The following SUN2 variants were observed in gnomAD, a reference collection of about 807,000 sequenced individuals.
SUN2 encodes the protein SUN domain-containing protein 2.
A neutral mutation model predicts 100.0 loss-of-function variants in SUN2; 60 were observed. The ratio of observed to expected loss-of-function variants is 0.60; its 90% confidence interval spans 0.49 to 0.74. The LOEUF (loss-of-function observed/expected upper bound fraction) is 0.74. Among genes scored for constraint, SUN2 ranks in the 30% least tolerant of loss-of-function variants. The pLI, the probability that SUN2 is intolerant of heterozygous loss-of-function variation, is 0.00. For synonymous variants in SUN2, 367 were observed against 403.3 expected (o/e 0.91, Z 1.08); for missense variants, 834 against 954.6 (o/e 0.87, Z 1.66).
intron 17 of SUN2, 133 bp from the exon 18 acceptor site, chr22:38,736,513 AC>A: frequency 1.5e-6 from 1 of 656,860 alleles, no homozygotes; most frequent in Non-Finnish European, 2.5e-6. Flanking sequence ...TCTGAAGAGA[AC>A]CAGGCTTCAA....
At position 38,737,926 on chromosome 22, in the gene SUN2, C is replaced by G. The variant is rs1189427056; in HGVS notation, c.2040+247G>C. The G allele has an allele frequency of 1.5e-6, 1 of 675,458 alleles. No homozygotes were observed. The highest frequency in any genetic ancestry group is 2.8e-6 in the Non-Finnish European group (1 of 358,786). 41.8% of individuals were successfully genotyped at this position (675,458 alleles called of 1,614,324 possible). A position where few individuals can be genotyped will look rare whatever the true frequency, so the allele number is the denominator to read the frequency against. ...GCCACCCAACCCCTCTTGTGTAAAGCCCACCTCCTGGTGTCCTTTTCCAGG... is the reference window on the plus strand; with the variant it reads ...GCCACCCAACCCCTCTTGTGTAAAGGCCACCTCCTGGTGTCCTTTTCCAGG... On this transcript the variant is annotated intron_variant, in intron 17 of 17. Coordinates refer to ENST00000689035, the MANE Select transcript of SUN2 (RefSeq NM_015374.3). The surrounding 1 kb of genome is among the most constrained non-coding windows in gnomAD (Gnocchi z 4.1).
At chr22:38,750,857 G>A in intron 4 of SUN2, 41 bp downstream of exon 4, 1 of 1,607,862 alleles carries the variant, frequency 6.2e-7, no homozygotes, top group South Asian at 1.1e-5. Flanking sequence ...AGGCCTCCCA[G>A]CAGCCTCGGA....
chr22:38,734,950 C>T lies in SUN2; in HGVS notation c.*1317G>A. 3.6e-6 allele frequency: 1 copy of T among 279,768 alleles called. No homozygotes were observed. The highest frequency in any genetic ancestry group is 3.1e-5 in the South Asian group (1 of 31,778). 17.3% of individuals were successfully genotyped at this position (279,768 alleles called of 1,614,324 possible). On this transcript the variant is annotated 3_prime_UTR_variant, in exon 18 of 18. Transcript: ENST00000689035. ...CAGTGAAGGCCTGCCCGCCTTCTTGCCCCTTCCCCGCAGCCAGACCACCAG... is the reference window on the plus strand; with the variant it reads ...CAGTGAAGGCCTGCCCGCCTTCTTGTCCCTTCCCCGCAGCCAGACCACCAG...
At chr22:38,743,630 A>T (rs1444366468) in intron 8 of SUN2, 1 of 151,484 alleles carries the variant, frequency 6.6e-6, no homozygotes, top group Non-Finnish European at 1.5e-5. Flanking sequence ...CCAGCAAAAA[A>T]TCCTCTGCCC....
At chr22:38,754,962 C>T in intron 1 of SUN2, 1 of 1,289,236 alleles carries the variant, frequency 7.8e-7, no homozygotes, top group South Asian at 1.2e-5. Context: ...AAGAAGTGAG[C>T]CTCTGGGAGC....
At position 38,751,040 on chromosome 22, in the gene SUN2, G is replaced by A. The variant is rs2092941469; in HGVS notation, c.287-5C>T. ...TCCGCACCCGCAGGTCCTCACCTGTGCAGGGAAGAACCAGGGGCTCTTCTG... is the reference window on the plus strand; with the variant it reads ...TCCGCACCCGCAGGTCCTCACCTGTACAGGGAAGAACCAGGGGCTCTTCTG... On this transcript the variant is annotated splice_polypyrimidine_tract_variant and splice_region_variant and intron_variant, in intron 3 of 17. Coordinates refer to ENST00000689035, the MANE Select transcript of SUN2 (RefSeq NM_015374.3). 5 of 1,612,548 alleles carry A rather than the reference G, an allele frequency of 3.1e-6. No individual in the cohort carries two copies. Among genetic ancestry groups the A allele is most frequent in the Non-Finnish European group, 4.2e-6 (5 of 1,179,354 alleles).
Position 38,740,134 on chromosome 22 carries a change from C to A in SUN2, c.1356+133G>T. On this transcript the variant is annotated intron_variant, in intron 12 of 17. Transcript: ENST00000689035. This position sits in a 1 kb window ranked among gnomAD's most constrained non-coding sequence, Gnocchi z 4.8. ...CCTGTCAGTGAGAGCCCACATGTGT[C>A]AAGGCCAACGCCACAGTCTCTTGGG... The A allele has an allele frequency of 7.6e-7, 1 of 1,317,158 alleles. No individual in the cohort carries two copies. Among genetic ancestry groups the A allele is most frequent in the Non-Finnish European group, 1.0e-6 (1 of 987,564 alleles). 81.6% of individuals were successfully genotyped at this position (1,317,158 alleles called of 1,614,324 possible). A position where few individuals can be genotyped will look rare whatever the true frequency, so the allele number is the denominator to read the frequency against.
rs777256877 is a variant in SUN2, at chr22:38,738,037, A to G, written c.2040+136T>C. On this transcript the variant is annotated intron_variant, in intron 17 of 17. Coordinates refer to ENST00000689035, the MANE Select transcript of SUN2 (RefSeq NM_015374.3). The surrounding 1 kb of genome is among the most constrained non-coding windows in gnomAD (Gnocchi z 6.6). ...GCGTGTTACACCCCATTTGGATATC[A>G]CATCTTGAGCTGTGGGAAAGGAGAG... 12 of 810,616 alleles carry G rather than the reference A, an allele frequency of 1.5e-5. No individual in the cohort carries two copies. In the South Asian group the frequency reaches 1.5e-4, roughly 10 times the overall value. The allele number at this position is 810,616 out of a possible 1,614,324, so 50.2% of individuals were successfully genotyped here. A position where few individuals can be genotyped will look rare whatever the true frequency, so the allele number is the denominator to read the frequency against.
Position 38,739,557 on chromosome 22 carries a change from G to A in SUN2, c.1579-131C>T. ...GCACTGTGCTGGTGCCCAGGCAGAT[G>A]TGGGCACACTGCCACCCACCCATGC... On this transcript the variant is annotated intron_variant, in intron 13 of 17. Transcript: ENST00000689035. This position sits in a 1 kb window ranked among gnomAD's most constrained non-coding sequence, Gnocchi z 6.7. 1 of 1,300,772 alleles carries A rather than the reference G, an allele frequency of 7.7e-7. No individual in the cohort carries two copies. Among genetic ancestry groups the A allele is most frequent in the East Asian group, 2.5e-5 (1 of 39,964 alleles). 80.6% of individuals were successfully genotyped at this position (1,300,772 alleles called of 1,614,324 possible). A position where few individuals can be genotyped will look rare whatever the true frequency, so the allele number is the denominator to read the frequency against.
At chr22:38,745,412 A>G (rs2092895864) in intron 8 of SUN2, among the ~76,000 whole-genome samples, 1 of 152,350 alleles carries the variant, frequency 6.6e-6, no homozygotes, top group Non-Finnish European at 1.5e-5. Context: ...GGGGTGGATT[A>G]TCTTTGGTAA....
Position 38,738,580 on chromosome 22 carries a change from T to C in SUN2, c.1947+7A>G, listed in dbSNP as rs1569294585. The C allele has an allele frequency of 6.2e-7, 1 of 1,611,476 alleles. No individual in the cohort carries two copies. On this transcript the variant is annotated splice_region_variant and intron_variant, in intron 16 of 17. Coordinates refer to ENST00000689035, the MANE Select transcript of SUN2 (RefSeq NM_015374.3). The surrounding 1 kb of genome is among the most constrained non-coding windows in gnomAD (Gnocchi z 6.6). ...CCCTCTGGCCCCACCACAGGACAGA[T>C]ACTCACAAAGATGGCGAAGTCCTTG...
Position 38,736,318 on chromosome 22 carries a change from G to C in SUN2, c.2103C>G (p.Pro701=), listed in dbSNP as rs748074497. ...ELRILTNWGH[P]EYTCIYRFRV... ...TGAAGCGGTAGATGCAGGTGTACTC[G>C]GGGTGGCCCCAGTTAGTCAGGATCC... Residue 701 remains proline (P), a synonymous_variant, in exon 18 of 18, where the codon CCC becomes CCG. Transcript: ENST00000689035. The C allele has an allele frequency of 4.3e-6, 7 of 1,613,994 alleles. No homozygotes were observed. Among genetic ancestry groups the C allele is most frequent in the Non-Finnish European group, 3.4e-6 (4 of 1,179,926 alleles).
At chr22:38,752,725 T>G in intron 1 of SUN2, 60 bp from the exon 2 acceptor site, 1 of 1,504,602 alleles carries the variant, frequency 6.6e-7, no homozygotes, top group Non-Finnish European at 9.0e-7. Flanking sequence ...AGCTCCTCTC[T>G]AGAGGAGGTG....
chr22:38,745,255 C>T, intron 8 of SUN2: 1 of 462,994 alleles, frequency 2.2e-6, no homozygotes, highest in South Asian at 1.6e-5. Flanking sequence ...AGCTGACCCC[C>T]CCAGCCAACT....
Position 38,742,394 on chromosome 22 carries a change from G to T in SUN2, c.975C>A (p.His325Gln). ...PGQGGGGGLSHEDTLALLEGL... is the reference protein window; with the variant it reads ...PGQGGGGGLSQEDTLALLEGL... ...CCTCCAGCAGCGCCAGGGTGTCCTC[G>T]TGGCTCAGGCCACCACCACCTCCCT... The change falls in exon 9 of 18, where the codon CAC becomes CAA. Residue 325 changes from histidine (H) to glutamine (Q), a missense_variant. Physicochemically the swap from His to Gln is conservative, Grantham distance 24. Transcript: ENST00000689035. 6.2e-7 allele frequency: 1 copy of T among 1,613,320 alleles called. No individual in the cohort carries two copies. The highest frequency in any genetic ancestry group is 8.5e-7 in the Non-Finnish European group (1 of 1,179,958).
Position 38,755,552 on chromosome 22 carries a change from G to T in SUN2, c.-38+211C>A. 1 of 970,692 alleles carries T rather than the reference G, an allele frequency of 1.0e-6. No homozygotes were observed. Among genetic ancestry groups the T allele is most frequent in the Non-Finnish European group, 1.2e-6 (1 of 816,114 alleles). 60.1% of individuals were successfully genotyped at this position (970,692 alleles called of 1,614,324 possible). On this transcript the variant is annotated intron_variant, in intron 1 of 17. Coordinates refer to ENST00000689035, the MANE Select transcript of SUN2 (RefSeq NM_015374.3). The surrounding 1 kb of genome is among the most constrained non-coding windows in gnomAD (Gnocchi z 5.7). ...CCCGCCCGCAGACACCGCCCTCCCGGCTGACCAGTGGCGCGGCAGGCGGGG... is the reference window on the plus strand; with the variant it reads ...CCCGCCCGCAGACACCGCCCTCCCGTCTGACCAGTGGCGCGGCAGGCGGGG...
rs1443940129 is a variant in SUN2, at chr22:38,739,947, T to C, written c.1357-4A>G. 6.2e-7 allele frequency: 1 copy of C among 1,609,042 alleles called. No homozygotes were observed. Among genetic ancestry groups the C allele is most frequent in the Admixed American group, 1.7e-5 (1 of 60,004 alleles). On this transcript the variant is annotated splice_polypyrimidine_tract_variant and splice_region_variant and intron_variant, in intron 12 of 17. Coordinates refer to ENST00000689035, the MANE Select transcript of SUN2 (RefSeq NM_015374.3). This position sits in a 1 kb window ranked among gnomAD's most constrained non-coding sequence, Gnocchi z 6.7. ...AGGCCGGGAACTGAGATTCCACCTA[T>C]AGGAACCCAAAGGGGTGTCACCCTG... is the stretch of plus-strand genomic sequence containing the variant.
rs2092845360 is a variant in SUN2 at position 38,740,330 on chromosome 22, C to T, written c.1293G>A (p.Lys431=). ...LQQELAALAL[K]QSSVAEEVGL... Reference sequence around the variant, plus strand: ...CCACTTCTTCCGCCACCGAGCTCTGCTTCAGTGCCAGAGCCGCCAGCTCCT... The same window carrying T: ...CCACTTCTTCCGCCACCGAGCTCTGTTTCAGTGCCAGAGCCGCCAGCTCCT... The change falls in exon 12 of 18, where the codon AAG becomes AAA. Residue 431 remains lysine (K), a synonymous_variant. Coordinates refer to ENST00000689035, the MANE Select transcript of SUN2 (RefSeq NM_015374.3). The surrounding 1 kb of genome is among the most constrained non-coding windows in gnomAD (Gnocchi z 4.8). 5 of 1,599,598 alleles carry T rather than the reference C, an allele frequency of 3.1e-6. No individual in the cohort carries two copies. The highest frequency in any genetic ancestry group is 4.3e-6 in the Non-Finnish European group (5 of 1,173,978).
Position 38,740,300 on chromosome 22 carries a change from C to T in SUN2, c.1323G>A (p.Leu441=), listed in dbSNP as rs759760801. 2 of 1,602,920 alleles carry T rather than the reference C, an allele frequency of 1.2e-6. No homozygotes were observed. ...KQSSVAEEVG[L]LPQQIQAVRD... ...GCACGGCCTGGATCTGCTGGGGCAG[C>T]AGGCCCACTTCTTCCGCCACCGAGC... The change falls in exon 12 of 18, where the codon CTG becomes CTA. Residue 441 remains leucine (L), a synonymous_variant. Transcript: ENST00000689035. The surrounding 1 kb of genome is among the most constrained non-coding windows in gnomAD (Gnocchi z 4.8).
Sources: gnomAD v4.1 joint callset for allele counts (sites outside exome capture counted in the v4.1 genomes callset) on GRCh38, gnomAD v4.1.1 for gene constraint, Gnocchi (gnomAD v3.1) non-coding constraint, MANE v1.5 for transcripts, NCBI Gene and HGNC (gene_info 2026-07-23, HGNC 2026-07-21) for gene names.